Variants in PCDHA2 observed in about 807,000 individuals in gnomAD.
PCDHA2 encodes the protein protocadherin alpha-2.
Under a neutral mutation model 66.0 loss-of-function variants are expected in PCDHA2, and 58 were observed. That is an observed-to-expected ratio of 0.88 (90% CI 0.71 to 1.09). The LOEUF (loss-of-function observed/expected upper bound fraction) is 1.09, where lower values mean the gene tolerates loss of function less well. Ranked by LOEUF, PCDHA2 falls within the 50% of genes least tolerant of loss-of-function variation. The probability of loss-of-function intolerance (pLI) is 0.00; values close to 1 mark genes in which losing one functional copy is unlikely to be tolerated. For synonymous variants in PCDHA2, 634 were observed against 554.0 expected, an observed-to-expected ratio of 1.14 and a Z score of -2.03; for missense variants, 1,267 against 1,242.3, an observed-to-expected ratio of 1.02 and a Z score of -0.30.
At chr5:140,824,307 A>G (rs2150134018) in intron 1 of PCDHA2, 9 of 785,582 alleles carry the variant, frequency 1.1e-5, no homozygotes, top group Admixed American at 2.5e-5. Context: ...CTGGGGTAAT[A>G]GATTCATCAG....
Position 140,849,547 on chromosome 5 carries a change from C to G in PCDHA2, c.2388+52195C>G, listed in dbSNP as rs2150440099. On this transcript the variant is annotated intron_variant, in intron 1 of 3. Transcript: ENST00000526136. ...GTAAATGACAATGCTCCACAGTTGA[C>G]TATCAAAACGCTCTCGGTTCCTGTA... 5.0e-6 allele frequency: 8 copies of G among 1,598,384 alleles called. No individual in the cohort carries two copies. The South Asian group carries it at 8.8e-5, about 18-fold the overall frequency.
intron 1 of PCDHA2, among the ~76,000 whole-genome samples, chr5:140,827,179 C>T (rs1458570601): frequency 2.6e-5 from 4 of 152,026 alleles, no homozygotes; most frequent in Non-Finnish European, 4.4e-5. Context: ...CAATAAAAGT[C>T]TTATTCAAAA....
At chr5:140,821,746 T>G in intron 1 of PCDHA2, 1 of 1,569,278 alleles carries the variant, frequency 6.4e-7, no homozygotes. Context: ...GGTGATGCAA[T>G]AGAAAGCTCA....
intron 1 of PCDHA2, among the ~76,000 whole-genome samples, chr5:140,903,368 A>G (rs1554190936): frequency 6.6e-6 from 1 of 152,234 alleles, no homozygotes; most frequent in Non-Finnish European, 1.5e-5. Flanking sequence ...TCAAAAATAT[A>G]GGGAGGATTG....
At chr5:140,857,234 C>A (rs781784109) in intron 1 of PCDHA2, 1 of 1,598,590 alleles carries the variant, frequency 6.3e-7, no homozygotes, top group South Asian at 1.1e-5. Context: ...TCCGTTCAAG[C>A]TGGTGTCCAC....
At chr5:140,840,995 T>C (rs1776967728) in intron 1 of PCDHA2, among the ~76,000 whole-genome samples, 1 of 152,016 alleles carries the variant, frequency 6.6e-6, no homozygotes. Context: ...CTGAAACTAA[T>C]GTAAGGAGCC....
intron 1 of PCDHA2, chr5:140,805,597 T>A: frequency 1.1e-6 from 1 of 927,664 alleles, no homozygotes; most frequent in Non-Finnish European, 1.3e-6. Context: ...TGTCTTTATA[T>A]ATTAAATTTC....
At chr5:140,988,093 G>C (rs17119334) in intron 3 of PCDHA2, among the ~76,000 whole-genome samples, 1 of 152,036 alleles carries the variant, frequency 6.6e-6, no homozygotes, top group Non-Finnish European at 1.5e-5. Flanking sequence ...GTGCAGCCTC[G>C]GGCCTTGTTG....
intron 1 of PCDHA2, among the ~76,000 whole-genome samples, chr5:140,971,548 C>T (rs558563294): frequency 6.6e-6 from 1 of 152,246 alleles, no homozygotes; most frequent in African/African-American, 2.4e-5. Context: ...CCAGATCAAC[C>T]TGTTAAATTC....
chr5:140,960,665 G>A (rs1180311598), intron 1 of PCDHA2, among the ~76,000 whole-genome samples: 2 of 152,066 alleles, frequency 1.3e-5, no homozygotes, highest in Non-Finnish European at 2.9e-5. Context: ...TGAATGCTTT[G>A]GCTAAAACCT....
chr5:140,969,005 G>A (rs149076230), intron 1 of PCDHA2: 1 of 1,614,168 alleles, frequency 6.2e-7, no homozygotes, highest in Non-Finnish European at 8.5e-7. Flanking sequence ...AGGCTTCTGT[G>A]GAGTAAGGGA....
chr5:140,848,314 G>T, intron 1 of PCDHA2: 1 of 733,978 alleles, frequency 1.4e-6, no homozygotes, highest in Non-Finnish European at 2.3e-6. Context: ...ACTCTTTGCC[G>T]CGATGTTCTC....
intron 1 of PCDHA2, chr5:140,860,225 A>ATATATATATGT (rs2046281831): frequency 6.6e-6 from 1 of 151,528 alleles, no homozygotes; most frequent in Non-Finnish European, 1.5e-5. Context: ...ATGTATATAT[A>ATATATATATGT]AGCCAGGCAT....
Position 140,853,680 on chromosome 5 carries a change from C to G in PCDHA2, c.2388+56328C>G, listed in dbSNP as rs142269623. 1,623 of 988,078 alleles carry G rather than the reference C, an allele frequency of 1.6e-3. 141 individuals are homozygous for G. The highest frequency in any genetic ancestry group is 5.6e-3 in the South Asian group (118 of 21,118). 61.2% of individuals were successfully genotyped at this position (988,078 alleles called of 1,614,324 possible). A position where few individuals can be genotyped will look rare whatever the true frequency, so the allele number is the denominator to read the frequency against. On this transcript the variant is annotated intron_variant, in intron 1 of 3. Transcript: ENST00000526136. Reference sequence around the variant, plus strand: ...AGACAAATTGGGGCCTATGGTCAACCTATCCTTAGACCTGCTAACGCATTA... The same window carrying G: ...AGACAAATTGGGGCCTATGGTCAACGTATCCTTAGACCTGCTAACGCATTA...
chr5:140,869,654 C>G, intron 1 of PCDHA2: 2 of 1,613,446 alleles, frequency 1.2e-6, no homozygotes, highest in African/African-American at 1.3e-5. Context: ...GATTCACCAA[C>G]AAATGGTAAG....
intron 1 of PCDHA2, chr5:140,843,517 C>CCGGG (rs2150361691): frequency 1.3e-6 from 2 of 1,595,932 alleles, no homozygotes; most frequent in African/African-American, 2.7e-5. Flanking sequence ...AGGGCGGGTG[C>CCGGG]CGGGCGGGCA....
intron 1 of PCDHA2, chr5:140,927,118 G>T (rs2083863389): frequency 6.2e-7 from 1 of 1,613,946 alleles, no homozygotes; most frequent in East Asian, 2.2e-5. Context: ...CGGCAATTTG[G>T]TGGTCAGAGA....
chr5:140,889,856 G>GT (rs1471217688), intron 1 of PCDHA2, among the ~76,000 whole-genome samples: 17 of 152,122 alleles, frequency 1.1e-4, no homozygotes, highest in African/African-American at 4.1e-4. Context: ...GAGAATATTT[G>GT]TTTTGGGGGA....
At chr5:140,997,720 G>C (rs973128921) in intron 3 of PCDHA2, among the ~76,000 whole-genome samples, 1 of 151,568 alleles carries the variant, frequency 6.6e-6, no homozygotes, top group African/African-American at 2.4e-5. Flanking sequence ...ACCTTTCTAC[G>C]TCAGTACATA....
Sources: allele counts gnomAD v4.1 joint callset (sites outside exome capture counted in the v4.1 genomes callset), GRCh38; gene constraint gnomAD v4.1.1; transcripts MANE v1.5; gene names NCBI Gene and HGNC (gene_info 2026-07-23, HGNC 2026-07-21).